Variants in METTL15 observed in about 807,000 individuals in gnomAD.
METTL15 encodes 12S rRNA N(4)-cytidine methyltransferase METTL15.
Under a neutral mutation model 38.3 loss-of-function variants are expected in METTL15, and 34 were observed. The ratio of observed to expected loss-of-function variants is 0.89; its 90% CI spans 0.68 to 1.18. The LOEUF (loss-of-function observed/expected upper bound fraction) is 1.18. Among genes scored for constraint, METTL15 ranks in the 50% most tolerant of loss-of-function variants. The pLI is 0.00. For synonymous variants in METTL15, 162 were observed against 170.9 expected (o/e 0.95, Z 0.41); for missense variants, 438 against 498.4 (o/e 0.88, Z 1.15).
intron 4 of METTL15, among the ~76,000 whole-genome samples, chr11:28,274,940 AATATAT>A (rs928517072): frequency 1.3e-5 from 2 of 151,110 alleles, no homozygotes; most frequent in African/African-American, 4.8e-5. Flanking sequence ...TATAATACAA[AATATAT>A]ATATATAATT....
chr11:28,372,321 A>C (rs1438049718), intron 5 of METTL15, among the ~76,000 whole-genome samples: 1 of 152,110 alleles, frequency 6.6e-6, no homozygotes. Context: ...CCCTGGGAAG[A>C]ATCTCACTTG....
At chr11:28,216,451 A>G (rs1273831751) in intron 4 of METTL15, among the ~76,000 whole-genome samples, 1 of 152,170 alleles carries the variant, frequency 6.6e-6, no homozygotes, top group Non-Finnish European at 1.5e-5. Flanking sequence ...TCCATTTCAA[A>G]ATTTGGATTC....
At chr11:28,241,488 T>G (rs1005620488) in intron 4 of METTL15, among the ~76,000 whole-genome samples, 2 of 150,476 alleles carry the variant, frequency 1.3e-5, no homozygotes, top group Non-Finnish European at 3.0e-5. Flanking sequence ...GAGCAGAGAT[T>G]GTGCCACTGC....
chr11:28,234,032 C>T (rs999068327), intron 4 of METTL15, among the ~76,000 whole-genome samples: 5 of 150,342 alleles, frequency 3.3e-5, no homozygotes, highest in Non-Finnish European at 7.4e-5. Flanking sequence ...TCAGTTCCCA[C>T]CTATGAGTGA....
At chr11:28,206,613 A>G (rs1852358066) in intron 3 of METTL15, among the ~76,000 whole-genome samples, 1 of 142,374 alleles carries the variant, frequency 7.0e-6, no homozygotes, top group Non-Finnish European at 1.5e-5. Flanking sequence ...TTCCATATGA[A>G]CTTTAAAGTA....
At chr11:28,134,750 A>G (rs1013955733) in intron 3 of METTL15, 3 of 394,618 alleles carry the variant, frequency 7.6e-6, no homozygotes, top group Non-Finnish European at 1.3e-5. Flanking sequence ...AATTCGGGTT[A>G]TTAGAAGACA....
intron 6 of METTL15, among the ~76,000 whole-genome samples, chr11:28,314,594 A>C (rs1457384340): frequency 1.3e-5 from 2 of 152,222 alleles, no homozygotes; most frequent in Admixed American, 6.5e-5. Context: ...TCCAGTAATT[A>C]AATATAAAGG....
intron 4 of METTL15, among the ~76,000 whole-genome samples, chr11:28,251,617 T>C (rs530409674): frequency 1.3e-5 from 2 of 152,154 alleles, no homozygotes; most frequent in South Asian, 4.1e-4. Context: ...ACATTAGCAT[T>C]ATGTTGCTAG....
At chr11:28,316,788 T>C (rs1169927819) in intron 6 of METTL15, among the ~76,000 whole-genome samples, 4 of 152,304 alleles carry the variant, frequency 2.6e-5, no homozygotes, top group Admixed American at 2.0e-4. Flanking sequence ...GATGGTTTTA[T>C]AAAACAAGAA....
intron 6 of METTL15, among the ~76,000 whole-genome samples, chr11:28,325,762 G>T (rs965508037): frequency 2.3e-4 from 35 of 152,176 alleles, no homozygotes; most frequent in African/African-American, 7.5e-4. Flanking sequence ...GTGATGTACA[G>T]TCAGAATTAA....
intron 3 of METTL15, among the ~76,000 whole-genome samples, chr11:28,129,930 A>G (rs1429327664): frequency 6.6e-6 from 1 of 152,172 alleles, no homozygotes; most frequent in Non-Finnish European, 1.5e-5. Flanking sequence ...GACACTGAAT[A>G]CAATTTGATC....
At chr11:28,181,189 T>G (rs992847799) in intron 3 of METTL15, among the ~76,000 whole-genome samples, 6 of 151,346 alleles carry the variant, frequency 4.0e-5, no homozygotes, top group Non-Finnish European at 8.9e-5. Flanking sequence ...TATCAATGAG[T>G]CACAATAAAT....
intron 3 of METTL15, among the ~76,000 whole-genome samples, chr11:28,158,671 A>G (rs931242134): frequency 6.6e-5 from 10 of 152,326 alleles, no homozygotes; most frequent in Middle Eastern, 6.8e-3. Context: ...ACAGAATGCC[A>G]TATCCAACGT....
intron 3 of METTL15, among the ~76,000 whole-genome samples, chr11:28,185,928 A>G (rs1851477925): frequency 6.7e-6 from 1 of 149,882 alleles, no homozygotes; most frequent in African/African-American, 2.4e-5. Flanking sequence ...ATATATATAC[A>G]TATATTTTTA....
chr11:28,341,185 G>C (rs1043450631), intron 3 of METTL15, among the ~76,000 whole-genome samples: 2 of 152,160 alleles, frequency 1.3e-5, no homozygotes, highest in Non-Finnish European at 2.9e-5. Flanking sequence ...TGGGGGGCTA[G>C]GGGAGGGATA....
At chr11:28,157,833 C>G (rs1213561738) in intron 3 of METTL15, among the ~76,000 whole-genome samples, 1 of 152,158 alleles carries the variant, frequency 6.6e-6, no homozygotes, top group East Asian at 1.9e-4. Flanking sequence ...GGGGAGTTAC[C>G]TATGATCAGT....
At position 28,365,557 on chromosome 11, in the gene METTL15, C is replaced by G. The variant is rs1028372636; in HGVS notation, c.*358+3521C>G. Among the ~76,000 whole-genome samples, 8 of 151,750 alleles carry G rather than the reference C, an allele frequency of 5.3e-5. No individual in the cohort carries two copies. The East Asian group carries it at 1.5e-3, about 29-fold the overall frequency. On this transcript the variant is annotated intron_variant and NMD_transcript_variant, in intron 5 of 7. Coordinates refer to the METTL15 transcript ENST00000532947. The stretch of plus-strand genomic sequence containing the variant: ...ATCTGATTGCATTTATTTGAATCTT[C>G]TCTCTTTTTTTTTCTTTAAACCTCC...
At chr11:28,408,286 G>A (rs771468892) in intron 5 of METTL15, among the ~76,000 whole-genome samples, 3 of 151,982 alleles carry the variant, frequency 2.0e-5, no homozygotes, top group Non-Finnish European at 2.9e-5. Flanking sequence ...AAACCTGCAC[G>A]TCCTGCATAT....
At chr11:28,242,279 T>C (rs941562876) in intron 4 of METTL15, among the ~76,000 whole-genome samples, 1 of 152,226 alleles carries the variant, frequency 6.6e-6, no homozygotes, top group African/African-American at 2.4e-5. Context: ...TTTCCTCTCA[T>C]GCTCCATCTC....
Sources: allele counts gnomAD v4.1 joint callset (sites outside exome capture counted in the v4.1 genomes callset), GRCh38; gene constraint gnomAD v4.1.1; transcripts MANE v1.5; gene names NCBI Gene and HGNC (gene_info 2026-07-23, HGNC 2026-07-21).